The following XKR4 variants were observed in gnomAD, a reference collection of about 807,000 sequenced individuals.
XKR4 encodes the protein XK related 4.
A neutral mutation model predicts 53.9 loss-of-function variants in XKR4; 12 were observed. That is an observed-to-expected ratio of 0.22 (90% CI 0.14 to 0.36). The LOEUF (loss-of-function observed/expected upper bound fraction) is 0.36, where lower values mean the gene tolerates loss of function less well. Ranked by LOEUF, XKR4 falls within the 10% of genes least tolerant of loss-of-function variation. XKR4 has a pLI of 1.00. For missense variants in XKR4, 799 were observed against 859.5 expected, an observed-to-expected ratio of 0.93 and a Z score of 0.88; for synonymous variants, 354 against 362.4, an observed-to-expected ratio of 0.98 and a Z score of 0.26.
At chr8:55,360,100 A>G (rs1803877875) in intron 2 of XKR4, among the ~76,000 whole-genome samples, 1 of 152,230 alleles carries the variant, frequency 6.6e-6, no homozygotes, top group Non-Finnish European at 1.5e-5. Flanking sequence ...ATCACTAAGA[A>G]TCAATGCAAG....
intron 1 of XKR4, among the ~76,000 whole-genome samples, chr8:55,196,959 C>A (rs1563480494): frequency 6.6e-6 from 1 of 152,128 alleles, no homozygotes; most frequent in Admixed American, 6.5e-5. Flanking sequence ...GCTCCTTCAC[C>A]TATAGCCATT....
chr8:55,159,117 A>G (rs182719693), intron 1 of XKR4, among the ~76,000 whole-genome samples: 225 of 152,260 alleles, frequency 1.5e-3, no homozygotes, highest in African/African-American at 5.2e-3. Context: ...TGAGTATGGC[A>G]TGTTTTCCAT....
chr8:55,273,459 G>A (rs1286680522), intron 1 of XKR4, among the ~76,000 whole-genome samples: 2 of 152,134 alleles, frequency 1.3e-5, no homozygotes, highest in African/African-American at 4.8e-5. Flanking sequence ...GCCTTTGTAA[G>A]ACTAACATTA....
chr8:55,317,235 A>G (rs1435092526), intron 1 of XKR4, among the ~76,000 whole-genome samples: 4 of 152,234 alleles, frequency 2.6e-5, no homozygotes, highest in South Asian at 2.1e-4. Context: ...TCTATCATAG[A>G]TGATGAGTGA....
At chr8:55,197,530 G>T (rs981894983) in intron 1 of XKR4, among the ~76,000 whole-genome samples, 4 of 150,892 alleles carry the variant, frequency 2.7e-5, no homozygotes. Flanking sequence ...ACACCAAAGC[G>T]CTGGGTTCAG....
intron 1 of XKR4, among the ~76,000 whole-genome samples, chr8:55,288,246 T>G (rs1563315984): frequency 1.3e-5 from 2 of 152,210 alleles, no homozygotes; most frequent in Non-Finnish European, 1.5e-5. Flanking sequence ...AGATTGCAAT[T>G]CGGCTTTCAA....
At chr8:55,157,005 A>T (rs1317760212) in intron 1 of XKR4, among the ~76,000 whole-genome samples, 1 of 152,258 alleles carries the variant, frequency 6.6e-6, no homozygotes, top group Non-Finnish European at 1.5e-5. Context: ...GTAAATATGT[A>T]CATAATCACT....
At chr8:55,270,264 C>A (rs1047574493) in intron 1 of XKR4, among the ~76,000 whole-genome samples, 1 of 152,092 alleles carries the variant, frequency 6.6e-6, no homozygotes, top group East Asian at 1.9e-4. Context: ...TTGCTGTGTG[C>A]CTGGCACTGC....
chr8:55,254,605 G>A (rs966030201), intron 1 of XKR4, among the ~76,000 whole-genome samples: 6 of 152,202 alleles, frequency 3.9e-5, no homozygotes, highest in African/African-American at 1.4e-4. Context: ...CACCTAGACA[G>A]TCTCGTTCCT....
chr8:55,230,766 T>C (rs1390524654), intron 1 of XKR4, among the ~76,000 whole-genome samples: 6 of 152,210 alleles, frequency 3.9e-5, no homozygotes, highest in African/African-American at 1.4e-4. Context: ...AAATAATGCT[T>C]TTATGAAAAG....
intron 2 of XKR4, among the ~76,000 whole-genome samples, chr8:55,369,238 A>T (rs778713553): frequency 4.0e-5 from 6 of 151,478 alleles, no homozygotes; most frequent in Non-Finnish European, 8.8e-5. Context: ...TGGTGCATTC[A>T]TGTAGTCCCA....
chr8:55,329,101 G>T (rs961693110), intron 1 of XKR4, among the ~76,000 whole-genome samples: 1 of 152,088 alleles, frequency 6.6e-6, no homozygotes, highest in African/African-American at 2.4e-5. Context: ...ATTTAATAGT[G>T]TTGTGTTTTC....
chr8:55,398,730 G>A (rs1804558522), intron 2 of XKR4, among the ~76,000 whole-genome samples: 1 of 152,188 alleles, frequency 6.6e-6, no homozygotes, highest in Non-Finnish European at 1.5e-5. Context: ...ACCAGACAGG[G>A]TTGTGAGGAA....
chr8:55,239,713 T>A (rs979202774), intron 1 of XKR4, among the ~76,000 whole-genome samples: 1 of 152,208 alleles, frequency 6.6e-6, no homozygotes, highest in African/African-American at 2.4e-5. Context: ...AGTTTATACA[T>A]CTGGTCATGA....
At chr8:55,207,386 A>C (rs1037263895) in intron 1 of XKR4, among the ~76,000 whole-genome samples, 1 of 152,086 alleles carries the variant, frequency 6.6e-6, no homozygotes, top group African/African-American at 2.4e-5. Context: ...GCCTTTCCTC[A>C]AGCATCTCCC....
At chr8:55,300,995 A>AT (rs1275805255) in intron 1 of XKR4, among the ~76,000 whole-genome samples, 1 of 151,928 alleles carries the variant, frequency 6.6e-6, no homozygotes, top group Non-Finnish European at 1.5e-5. Flanking sequence ...TTTTTTATTT[A>AT]TTTTTTATTA....
At chr8:55,450,528 G>A in intron 2 of XKR4, 5 of 660,948 alleles carry the variant, frequency 7.6e-6, no homozygotes, top group South Asian at 7.5e-5. Flanking sequence ...GAGTCCAGTA[G>A]GAAGGTCTAG....
chr8:55,453,442 C>T, intron 2 of XKR4: 1 of 397,854 alleles, frequency 2.5e-6, no homozygotes, highest in Non-Finnish European at 5.1e-6. Context: ...GCTTCTTGGC[C>T]TCAAGCATCT....
chr8:55,185,066 A>G (rs16921339), intron 1 of XKR4, among the ~76,000 whole-genome samples: 14,056 of 152,258 alleles, frequency 0.092, 1,777 homozygotes, highest in African/African-American at 0.28. Context: ...CAGCCAAACA[A>G]TAGTTTCTGC....
Sources: allele counts gnomAD v4.1 joint callset (sites outside exome capture counted in the v4.1 genomes callset), GRCh38; gene constraint gnomAD v4.1.1; transcripts MANE v1.5; gene names NCBI Gene and HGNC (gene_info 2026-07-23, HGNC 2026-07-21).